The following ZNF236 variants were observed in gnomAD, a reference collection of about 807,000 sequenced individuals.
ZNF236 encodes regulated by glucose.
ZNF236 carries 50 observed loss-of-function variants against 191.2 expected under a neutral mutation model. That is an observed-to-expected ratio of 0.26 (90% CI 0.21 to 0.33). The LOEUF is 0.33. ZNF236 is among the 10% of genes least tolerant of loss of function. ZNF236 has a pLI of 1.00. For missense variants in ZNF236, 1,754 were observed against 2,374.5 expected, an observed-to-expected ratio of 0.74 and a Z score of 5.43; for synonymous variants, 907 against 928.8, an observed-to-expected ratio of 0.98 and a Z score of 0.43.
At chr18:76,967,791 A>G (rs1968821041) in intron 30 of ZNF236, among the ~76,000 whole-genome samples, 3 of 151,760 alleles carry the variant, frequency 2.0e-5, no homozygotes, top group Admixed American at 6.6e-5. Flanking sequence ...GGGGAGCTCG[A>G]CGGCTTTCAG....
chr18:76,841,395 A>G (rs1174234201), intron 1 of ZNF236, among the ~76,000 whole-genome samples: 1 of 152,216 alleles, frequency 6.6e-6, no homozygotes, highest in East Asian at 1.9e-4. Context: ...CTTGGAAAAC[A>G]GTCTGCTGTA....
At chr18:76,890,546 A>G (rs1977199447) in intron 9 of ZNF236, among the ~76,000 whole-genome samples, 1 of 152,206 alleles carries the variant, frequency 6.6e-6, no homozygotes, top group Admixed American at 6.5e-5. Flanking sequence ...TTACCCTTCT[A>G]GGAGCAATTA....
chr18:76,935,046 AAAGT>A (rs1967957497), intron 25 of ZNF236, among the ~76,000 whole-genome samples: 2 of 152,362 alleles, frequency 1.3e-5, no homozygotes, highest in South Asian at 4.1e-4. Flanking sequence ...GTGAAGAATA[AAAGT>A]AAGAGTCTAC....
chr18:76,931,529 A>G (rs989913194), intron 25 of ZNF236, among the ~76,000 whole-genome samples: 2 of 152,236 alleles, frequency 1.3e-5, no homozygotes, highest in African/African-American at 4.8e-5. Context: ...TAATAACTCC[A>G]TGTACAAAGC....
At chr18:76,837,129 C>G (rs1275878335) in intron 1 of ZNF236, among the ~76,000 whole-genome samples, 3 of 48,060 alleles carry the variant, frequency 6.2e-5, no homozygotes, top group Admixed American at 4.7e-4. Context: ...GCACCCCCTC[C>G]CCCCCCCCCC....
At chr18:76,858,154 T>C (rs1479013397) in intron 3 of ZNF236, among the ~76,000 whole-genome samples, 2 of 152,250 alleles carry the variant, frequency 1.3e-5, no homozygotes, top group African/African-American at 4.8e-5. Flanking sequence ...TTCTGTGTTG[T>C]TGCAACTAGC....
chr18:76,928,039 A>G lies in ZNF236; in HGVS notation c.4527A>G (p.Ala1509=), dbSNP rs530113331. ...INNSSLSQVL[A]QAAGPTATSS... ...ACTCCAGCCTGAGCCAGGTCCTGGC[A>G]CAGGCCGCTGGGCCCACTGCCACGT... Residue 1509 remains alanine (A), a synonymous_variant, in exon 25 of 31, where the codon GCA becomes GCG. Coordinates refer to ENST00000320610, the MANE Select transcript of ZNF236 (RefSeq NM_001306089.2). The G allele has an allele frequency of 6.2e-7, 1 of 1,613,860 alleles. No homozygotes were observed. Among genetic ancestry groups the G allele is most frequent in the East Asian group, 2.2e-5 (1 of 44,844 alleles).
At chr18:76,945,133 T>C (rs1316919845) in intron 26 of ZNF236, among the ~76,000 whole-genome samples, 1 of 152,216 alleles carries the variant, frequency 6.6e-6, no homozygotes, top group Non-Finnish European at 1.5e-5. Flanking sequence ...TCTGTAATTT[T>C]GCTATTTCAA....
intron 6 of ZNF236, among the ~76,000 whole-genome samples, chr18:76,876,284 A>G (rs899827749): frequency 4.6e-5 from 7 of 152,216 alleles, no homozygotes; most frequent in African/African-American, 1.7e-4. Flanking sequence ...TTATATTCTA[A>G]TTGTAGAATA....
chr18:76,896,377 C>T (rs1977410727), intron 10 of ZNF236, among the ~76,000 whole-genome samples: 1 of 148,278 alleles, frequency 6.7e-6, no homozygotes, highest in Non-Finnish European at 1.5e-5. Context: ...CACACAGGTA[C>T]CAAACTCAGT....
intron 1 of ZNF236, among the ~76,000 whole-genome samples, chr18:76,823,758 G>A (rs1377920767): frequency 6.6e-6 from 1 of 152,222 alleles, no homozygotes; most frequent in Non-Finnish European, 1.5e-5. Flanking sequence ...CTTGAGGAAC[G>A]GACTTTCCTG....
rs544119764 is a variant in ZNF236 at position 76,878,242 on chromosome 18, A to C, written c.984+90A>C. On this transcript the variant is annotated intron_variant, in intron 7 of 30. Coordinates refer to ENST00000320610, the MANE Select transcript of ZNF236 (RefSeq NM_001306089.2). ...TACAATTGAATATTTAGTAGCAAAA[A>C]GGTGCTATGAAAATTTTTTATATGG... 6 of 1,301,598 alleles carry C rather than the reference A, an allele frequency of 4.6e-6. No homozygotes were observed. In the Admixed American group the frequency reaches 1.7e-4, roughly 36 times the overall value. 80.6% of individuals were successfully genotyped at this position (1,301,598 alleles called of 1,614,324 possible). A position where few individuals can be genotyped will look rare whatever the true frequency, so the allele number is the denominator to read the frequency against.
intron 26 of ZNF236, among the ~76,000 whole-genome samples, chr18:76,943,626 T>G (rs925873298): frequency 7.9e-5 from 12 of 152,248 alleles, no homozygotes; most frequent in African/African-American, 2.9e-4. Context: ...TGTGGCTTTT[T>G]AAGTCTAAAT....
intron 1 of ZNF236, among the ~76,000 whole-genome samples, chr18:76,844,043 C>T (rs981806807): frequency 2.0e-5 from 3 of 151,752 alleles, no homozygotes; most frequent in Non-Finnish European, 2.9e-5. Flanking sequence ...AGTTCGAGAC[C>T]AGCCTAACCA....
At chr18:76,909,289 T>C (rs1431478531) in intron 14 of ZNF236, among the ~76,000 whole-genome samples, 1 of 130,814 alleles carries the variant, frequency 7.6e-6, no homozygotes, top group Admixed American at 9.3e-5. Flanking sequence ...CACTCCAGCC[T>C]GGACAACGGA....
intron 28 of ZNF236, among the ~76,000 whole-genome samples, chr18:76,956,397 A>G (rs1458468805): frequency 1.3e-5 from 2 of 152,234 alleles, no homozygotes; most frequent in Non-Finnish European, 2.9e-5. Flanking sequence ...CTCACAATCA[A>G]TTTGCAAGAC....
In ZNF236 at chr18:76,822,563, G is replaced by C. The variant is rs1974876293; in HGVS notation, c.-45G>C. 1 of 149,628 alleles carries C rather than the reference G, an allele frequency of 6.7e-6. No individual in the cohort carries two copies. Among genetic ancestry groups the C allele is most frequent in the Non-Finnish European group, 1.5e-5 (1 of 67,686 alleles). The allele number at this position is 149,628 out of a possible 1,614,324, so 9.3% of individuals were successfully genotyped here. On this transcript the variant is annotated 5_prime_UTR_variant, in exon 1 of 31. Transcript: ENST00000320610. The stretch of plus-strand genomic sequence containing the variant: ...CGCCCCCGCCGCCGCGTGTGAGTGT[G>C]AGTGTGAGTGTGAGTGGGTGTGGGT...
Position 76,919,609 on chromosome 18 carries a change from T to G in ZNF236, c.3275-167T>G, listed in dbSNP as rs1967477169. 6.6e-6 allele frequency among the ~76,000 whole-genome samples: 1 copy of G among 152,168 alleles called. No individual in the cohort carries two copies. The highest frequency in any genetic ancestry group is 2.1e-4 in the South Asian group (1 of 4,824). On this transcript the variant is annotated intron_variant, in intron 19 of 30. Transcript: ENST00000320610. The surrounding 1 kb of genome is among the most constrained non-coding windows in gnomAD (Gnocchi z 5.3). ...GGCTGTTTTCTTTCCATGACCTAAG[T>G]TTCTCAATAGAGGTGGGAAAATATA...
chr18:76,891,168 C>T (rs918393838), intron 9 of ZNF236, among the ~76,000 whole-genome samples: 4 of 152,114 alleles, frequency 2.6e-5, no homozygotes, highest in Admixed American at 1.3e-4. Flanking sequence ...GTGCCTCTAA[C>T]CTCCGAGTTG....
Sources: allele counts gnomAD v4.1 joint callset (sites outside exome capture counted in the v4.1 genomes callset), GRCh38; gene constraint gnomAD v4.1.1; non-coding constraint Gnocchi (gnomAD v3.1); transcripts MANE v1.5; gene names NCBI Gene and HGNC (gene_info 2026-07-23, HGNC 2026-07-21).